Variants in FERMT1 observed in about 807,000 individuals in gnomAD.
FERMT1 encodes the protein FERM domain containing kindlin 1, also known as fermitin family homolog 1.
In FERMT1, 60 loss-of-function variants were observed where a neutral mutation model predicts 85.3. The observed-to-expected ratio is 0.70, with a 90% CI of 0.57 to 0.87. FERMT1 has a LOEUF of 0.87. Among genes scored for constraint, FERMT1 ranks in the 40% least tolerant of loss-of-function variants. The pLI, the probability that FERMT1 is intolerant of heterozygous loss-of-function variation, is 0.00. For synonymous variants in FERMT1, 275 were observed against 301.1 expected (o/e 0.91, Z 0.90); for missense variants, 701 against 818.9 (o/e 0.86, Z 1.76).
chr20:6,113,178 G>T (rs764448296), intron 3 of FERMT1, among the ~76,000 whole-genome samples: 7 of 152,078 alleles, frequency 4.6e-5, no homozygotes, highest in African/African-American at 1.7e-4. Context: ...GTGTTTCCCC[G>T]CACAAGCTCT....
chr20:6,088,629 T>A (rs866521635), intron 10 of FERMT1, among the ~76,000 whole-genome samples: 1 of 120,386 alleles, frequency 8.3e-6, no homozygotes, highest in African/African-American at 3.1e-5. Context: ...CTCACCTCTT[T>A]TTTTTTTTTT....
intron 6 of FERMT1, among the ~76,000 whole-genome samples, chr20:6,101,658 T>C (rs993024475): frequency 5.3e-5 from 8 of 152,196 alleles, no homozygotes; most frequent in Non-Finnish European, 8.8e-5. Context: ...TGTTTGTTTG[T>C]TTATTTATTT....
intron 3 of FERMT1, 100 bp from the exon 4 acceptor site, chr20:6,112,723 T>TTTAC: frequency 1.1e-6 from 1 of 912,674 alleles, no homozygotes; most frequent in Non-Finnish European, 1.6e-6. Context: ...TCTCAGGAAA[T>TTTAC]TTCTGAAAAG....
chr20:6,120,334 A>G (rs1186762100), intron 1 of FERMT1: 1 of 152,254 alleles, frequency 6.6e-6, no homozygotes, highest in Non-Finnish European at 1.5e-5. Context: ...ATTTGGATAC[A>G]TCTTTGGCAA....
rs192827973 is a variant in FERMT1, at chr20:6,104,683, A to G, written c.849+2849T>C. Among the ~76,000 whole-genome samples, 182 of 152,322 alleles carry G rather than the reference A, an allele frequency of 1.2e-3. No homozygotes were observed. The highest frequency in any genetic ancestry group is 0.01 in the Admixed American group (160 of 15,300). On this transcript the variant is annotated intron_variant, in intron 6 of 14. Transcript: ENST00000217289. This position sits in a 1 kb window ranked among gnomAD's most constrained non-coding sequence, Gnocchi z 4.2. ...GGAGCTCCTCACCAATTAAGCGGGC[A>G]GAGGCTGGAGGCCAAAGAGCCAGAG... is the stretch of plus-strand genomic sequence containing the variant.
chr20:6,107,401 C>T (rs963605097), intron 6 of FERMT1, 131 bp downstream of exon 6: 2 of 561,884 alleles, frequency 3.6e-6, no homozygotes, highest in African/African-American at 1.9e-5. Context: ...ATGTATCAGT[C>T]TCACCCTGCA....
At chr20:6,080,582 G>A (rs952224258) in intron 13 of FERMT1, among the ~76,000 whole-genome samples, 4 of 152,214 alleles carry the variant, frequency 2.6e-5, no homozygotes, top group African/African-American at 7.2e-5. Flanking sequence ...GACCGGCTCT[G>A]TGATGGTGGT....
chr20:6,111,082 A>G (rs1024242890), intron 4 of FERMT1, among the ~76,000 whole-genome samples: 19 of 152,204 alleles, frequency 1.2e-4, no homozygotes, highest in African/African-American at 4.3e-4. Flanking sequence ...AATTACAGGC[A>G]TGAGCCACCA....
At chr20:6,089,747 T>C (rs759360308) in intron 9 of FERMT1, among the ~76,000 whole-genome samples, 55 of 152,296 alleles carry the variant, frequency 3.6e-4, no homozygotes, top group Non-Finnish European at 7.1e-4. Flanking sequence ...AAAACTATTT[T>C]GGGGAAAGGT....
chr20:6,078,034 G>T (rs6085387), intron 14 of FERMT1, among the ~76,000 whole-genome samples: 5 of 151,970 alleles, frequency 3.3e-5, no homozygotes, highest in African/African-American at 9.7e-5. Flanking sequence ...GCCACTGCCC[G>T]GAACCCTTTC....
intron 9 of FERMT1, chr20:6,094,114 C>T (rs1002183152): frequency 6.6e-6 from 1 of 152,226 alleles, no homozygotes; most frequent in African/African-American, 2.4e-5. Context: ...CTTCATTGCT[C>T]ATTCTTTCTA....
intron 3 of FERMT1, 125 bp downstream of exon 3, chr20:6,115,686 A>G: frequency 1.3e-6 from 1 of 777,386 alleles, no homozygotes. Flanking sequence ...AAGGGCTTAA[A>G]CATGTGCTTC....
chr20:6,107,765 G>A (rs893245465), intron 5 of FERMT1, 131 bp from the exon 6 acceptor site: 1 of 572,782 alleles, frequency 1.7e-6, no homozygotes, highest in African/African-American at 1.9e-5. Flanking sequence ...TACAGATTGA[G>A]TATCACTAAT....
chr20:6,083,410 G>A (rs1315630329), intron 13 of FERMT1, among the ~76,000 whole-genome samples: 1 of 152,134 alleles, frequency 6.6e-6, no homozygotes, highest in African/African-American at 2.4e-5. Flanking sequence ...TGAGAACAGG[G>A]TTGCTACCTG....
chr20:6,110,297 C>G lies in FERMT1; in HGVS notation c.746+1G>C. On this transcript the variant is annotated splice_donor_variant, in intron 5 of 14. Coordinates refer to ENST00000217289, the MANE Select transcript of FERMT1 (RefSeq NM_017671.5). LOFTEE classifies it high-confidence loss of function. ...AGAAGTAAAAGGAGCCGTGTCCTTA[C>G]CCTGCATTGAGCTTGGCTTTATCAA... is the stretch of plus-strand genomic sequence containing the variant. The G allele has an allele frequency of 6.2e-7, 1 of 1,610,912 alleles. No individual in the cohort carries two copies. The highest frequency in any genetic ancestry group is 8.5e-7 in the Non-Finnish European group (1 of 1,178,474).
rs1441006456 is a variant in FERMT1 at position 6,075,334 on chromosome 20, T to G, written c.*1839A>C. On this transcript the variant is annotated 3_prime_UTR_variant, in exon 15 of 15. Transcript: ENST00000217289. ...AGGACCAGTTATAATCTTAAAGAACTGACTAGGTTCTAAAATAATAGAACT... is the reference window on the plus strand; with the variant it reads ...AGGACCAGTTATAATCTTAAAGAACGGACTAGGTTCTAAAATAATAGAACT... 1 of 152,310 alleles carries G rather than the reference T, an allele frequency of 6.6e-6. No individual in the cohort carries two copies. The highest frequency in any genetic ancestry group is 6.5e-5 in the Admixed American group (1 of 15,278). 9.4% of individuals were successfully genotyped at this position (152,310 alleles called of 1,614,324 possible). A position where few individuals can be genotyped will look rare whatever the true frequency, so the allele number is the denominator to read the frequency against.
intron 13 of FERMT1, among the ~76,000 whole-genome samples, chr20:6,082,274 T>C (rs988881303): frequency 2.6e-5 from 4 of 152,176 alleles, no homozygotes; most frequent in African/African-American, 9.7e-5. Context: ...GCACTTTGCT[T>C]GCAGGCTGCA....
At chr20:6,098,680 T>C (rs1356194718) in intron 6 of FERMT1, among the ~76,000 whole-genome samples, 2 of 151,936 alleles carry the variant, frequency 1.3e-5, no homozygotes, top group Non-Finnish European at 2.9e-5. Context: ...GGAACACAAA[T>C]TGAAACAAAA....
chr20:6,084,781 C>A (rs766612603), intron 12 of FERMT1, among the ~76,000 whole-genome samples: 2 of 151,890 alleles, frequency 1.3e-5, no homozygotes, highest in Middle Eastern at 3.2e-3. Flanking sequence ...GCAGCCTCCA[C>A]CTCCTGGGCT....
Sources: allele counts gnomAD v4.1 joint callset (sites outside exome capture counted in the v4.1 genomes callset), GRCh38; gene constraint gnomAD v4.1.1; non-coding constraint Gnocchi (gnomAD v3.1); transcripts MANE v1.5; gene names NCBI Gene and HGNC (gene_info 2026-07-23, HGNC 2026-07-21).